DPP8: variants seen among roughly 807,000 people sequenced by gnomAD.
DPP8 encodes the protein dipeptidyl peptidase 8, also known as DPP VIII.
DPP8 carries 31 observed loss-of-function variants against 107.5 expected under a neutral mutation model. That is an observed-to-expected ratio of 0.29 (90% CI 0.22 to 0.39). DPP8 has a LOEUF of 0.39. Ranked by LOEUF, DPP8 falls within the 10% of genes least tolerant of loss-of-function variation. The pLI is 1.00. For synonymous variants in DPP8, 381 were observed against 356.6 expected (o/e 1.07, Z -0.77); for missense variants, 842 against 1,076.1 (o/e 0.78, Z 3.04).
rs765642349 is a variant in DPP8 at position 65,512,503 on chromosome 15, A to C, written c.51T>G (p.Thr17=). ...TEQLGVEIFE[T]ADCEENIESQ... ...ATTCAATATTCTCCTCACAGTCCGC[A>C]GTTTCAAATATCTCAACACCCAGCT... The change falls in exon 2 of 20, where the codon ACT becomes ACG. Residue 17 remains threonine (T), a synonymous_variant. Transcript: ENST00000300141. The C allele has an allele frequency of 8.7e-6, 14 of 1,614,168 alleles. No individual in the cohort carries two copies. Among genetic ancestry groups the C allele is most frequent in the Non-Finnish European group, 1.2e-5 (14 of 1,180,024 alleles).
intron 8 of DPP8, among the ~76,000 whole-genome samples, chr15:65,482,153 C>T (rs2066988846): frequency 6.6e-6 from 1 of 152,040 alleles, no homozygotes; most frequent in South Asian, 2.1e-4. Context: ...CTGCCTCAGC[C>T]TCCTGAGTAG....
chr15:65,468,699 G>C (rs1284820682), intron 12 of DPP8, among the ~76,000 whole-genome samples: 1 of 152,034 alleles, frequency 6.6e-6, no homozygotes, highest in Non-Finnish European at 1.5e-5. Flanking sequence ...ACAAATGATA[G>C]GAAACAAATA....
rs75641963 is a variant in DPP8, at chr15:65,476,308, C to T, written c.1457-2020G>A. 7.6e-3 allele frequency among the ~76,000 whole-genome samples: 1,148 copies of T among 151,950 alleles called. 14 individuals are homozygous for T. The highest frequency in any genetic ancestry group is 0.026 in the African/African-American group (1,096 of 41,414). On this transcript the variant is annotated intron_variant, in intron 11 of 19. Transcript: ENST00000300141. Reference sequence around the variant, plus strand: ...AATTTAGTACTTTAAATACTATAGACAGAAATTAAAATAAAATTTAATTTT... The same window carrying T: ...AATTTAGTACTTTAAATACTATAGATAGAAATTAAAATAAAATTTAATTTT...
intron 3 of DPP8, among the ~76,000 whole-genome samples, 174 bp downstream of exon 3, chr15:65,507,069 T>G (rs2070123555): frequency 1.3e-5 from 2 of 152,160 alleles, no homozygotes; most frequent in Admixed American, 1.3e-4. Context: ...TTTTATTATC[T>G]CAGTTTCAGA....
chr15:65,448,671 C>CA lies in DPP8; in HGVS notation c.2527-1666dup, dbSNP rs56658742. Reference sequence around the variant, plus strand: ...TGGGTGACAGAGCGAAACTCCATCTCAAAAAAAAAAAAAAAAAAAATATAT... The same window carrying CA: ...TGGGTGACAGAGCGAAACTCCATCTCAAAAAAAAAAAAAAAAAAAAATATAT... On this transcript the variant is annotated intron_variant, in intron 19 of 19. Transcript: ENST00000300141. Among the ~76,000 whole-genome samples the CA allele has an allele frequency of 1.5e-3, 85 of 57,390 alleles. 2 individuals carry two copies. Among genetic ancestry groups the CA allele is most frequent in the Admixed American group, 1.8e-3 (6 of 3,346 alleles). The allele number at this position is 57,390 out of a possible 152,430, so 37.7% of individuals were successfully genotyped here. A position where few individuals can be genotyped will look rare whatever the true frequency, so the allele number is the denominator to read the frequency against.
At chr15:65,482,183 G>T (rs1276575952) in intron 8 of DPP8, among the ~76,000 whole-genome samples, 1 of 151,260 alleles carries the variant, frequency 6.6e-6, no homozygotes, top group Non-Finnish European at 1.5e-5. Context: ...CAGGTAAGGT[G>T]TGTGCTTGTA....
At chr15:65,481,688 AAC>A in intron 8 of DPP8, 73 bp from the exon 9 acceptor site, 1 of 934,218 alleles carries the variant, frequency 1.1e-6, no homozygotes, top group Non-Finnish European at 1.6e-6. Context: ...AGTCTACTTT[AAC>A]AATTTATCCA....
chr15:65,481,381 T>G lies in DPP8; in HGVS notation c.1118+134A>C. 4.6e-6 allele frequency: 3 copies of G among 645,438 alleles called. 1 individual carries two copies. The South Asian group carries it at 5.5e-5, about 12-fold the overall frequency. The allele number at this position is 645,438 out of a possible 1,614,324, so 40.0% of individuals were successfully genotyped here. On this transcript the variant is annotated intron_variant, in intron 9 of 19. Coordinates refer to ENST00000300141, the MANE Select transcript of DPP8 (RefSeq NM_130434.5). ...ATCCACTTAATTCAAGAAAAATGCC[T>G]TGTGTAGTAATAACTGTACTGCAAA...
At chr15:65,516,752 A>G (rs1294261975) in intron 1 of DPP8, 1 of 152,252 alleles carries the variant, frequency 6.6e-6, no homozygotes. Flanking sequence ...AAACACCTAA[A>G]GCCTCACTGA....
intron 15 of DPP8, among the ~76,000 whole-genome samples, chr15:65,460,812 T>C (rs1305150040): frequency 1.3e-5 from 2 of 152,226 alleles, no homozygotes; most frequent in African/African-American, 2.4e-5. Context: ...TCTGTTCCTG[T>C]CCATATTTTC....
At chr15:65,515,720 A>G in intron 1 of DPP8, 4 of 1,611,542 alleles carry the variant, frequency 2.5e-6, no homozygotes, top group Non-Finnish European at 3.4e-6. Flanking sequence ...AAGTGACTCG[A>G]CTTCAAGCAT....
chr15:65,469,319 T>C (rs919867167), intron 12 of DPP8, among the ~76,000 whole-genome samples: 3 of 151,812 alleles, frequency 2.0e-5, no homozygotes, highest in African/African-American at 7.3e-5. Context: ...GCTGACACTT[T>C]GCTGTTGGTC....
chr15:65,513,635 A>G lies in DPP8; in HGVS notation c.-11-1071T>C, dbSNP rs2071080451. ...TGGCTTTAATTAGCTGAAGTAGTTG[A>G]TACAGAAAGCATTTAATATTTGTAC... On this transcript the variant is annotated intron_variant, in intron 1 of 19. Transcript: ENST00000300141. Among the ~76,000 whole-genome samples the G allele has an allele frequency of 3.3e-5, 5 of 152,258 alleles. No homozygotes were observed. The South Asian group carries it at 1.0e-3, about 32-fold the overall frequency.
intron 15 of DPP8, among the ~76,000 whole-genome samples, chr15:65,462,051 C>T (rs958091701): frequency 2.6e-5 from 4 of 152,168 alleles, no homozygotes; most frequent in African/African-American, 9.7e-5. Context: ...TCACTGCAAC[C>T]TCCACCTCCC....
At chr15:65,449,976 T>TATA (rs2063849505) in intron 19 of DPP8, among the ~76,000 whole-genome samples, 2 of 106,024 alleles carry the variant, frequency 1.9e-5, no homozygotes, top group African/African-American at 6.5e-5. Context: ...TTATTATTAT[T>TATA]TTTTTTTTGA....
intron 12 of DPP8, among the ~76,000 whole-genome samples, chr15:65,471,633 T>C (rs1015869309): frequency 6.6e-6 from 1 of 151,820 alleles, no homozygotes; most frequent in Non-Finnish European, 1.5e-5. Context: ...ATTACAGGTA[T>C]GCCCCACCAC....
At chr15:65,497,207 A>G (rs556311666) in intron 5 of DPP8, among the ~76,000 whole-genome samples, 21 of 151,682 alleles carry the variant, frequency 1.4e-4, no homozygotes, top group Non-Finnish European at 2.9e-5. Context: ...AGTTTCTTAG[A>G]GTGTGTAATT....
In DPP8 at chr15:65,455,566, C is replaced by T. The variant is rs183907849; in HGVS notation, c.2118+659G>A. On this transcript the variant is annotated intron_variant, in intron 16 of 19. Coordinates refer to ENST00000300141, the MANE Select transcript of DPP8 (RefSeq NM_130434.5). The stretch of plus-strand genomic sequence containing the variant: ...TCTTTAAAGTCCTAATTCCTACCAC[C>T]ACCACCTTGTCTATATTACTAGGCC... The T allele has an allele frequency of 3.1e-3, 2,308 of 741,100 alleles. 7 individuals are homozygous for T. Among genetic ancestry groups the T allele is most frequent in the Non-Finnish European group, 3.8e-3 (2,081 of 552,622 alleles). 45.9% of individuals were successfully genotyped at this position (741,100 alleles called of 1,614,324 possible). A position where few individuals can be genotyped will look rare whatever the true frequency, so the allele number is the denominator to read the frequency against.
At chr15:65,489,413 CTTTTTTTT>C (rs71924792) in intron 6 of DPP8, among the ~76,000 whole-genome samples, 3 of 104,260 alleles carry the variant, frequency 2.9e-5, no homozygotes, top group Non-Finnish European at 5.3e-5. Flanking sequence ...ATATAATCTA[CTTTTTTTT>C]TTTTTTTTTT....
Sources: gnomAD v4.1 joint callset for allele counts (sites outside exome capture counted in the v4.1 genomes callset) on GRCh38, gnomAD v4.1.1 for gene constraint, MANE v1.5 for transcripts, NCBI Gene and HGNC (gene_info 2026-07-23, HGNC 2026-07-21) for gene names.